VWA3B: variants seen among roughly 807,000 people sequenced by gnomAD.
VWA3B encodes the protein von Willebrand factor A domain-containing protein 3B.
VWA3B carries 138 observed loss-of-function variants against 158.3 expected under a neutral mutation model. The ratio of observed to expected loss-of-function variants is 0.87; its 90% CI spans 0.76 to 1.00. The LOEUF is 1.00. Among genes scored for constraint, VWA3B ranks in the 50% least tolerant of loss-of-function variants. The probability of loss-of-function intolerance (pLI) is 0.00; values close to 1 mark genes in which losing one functional copy is unlikely to be tolerated. For missense variants in VWA3B, 1,555 were observed against 1,565.1 expected (o/e 0.99, Z 0.11); for synonymous variants, 596 against 587.3 (o/e 1.01, Z -0.21).
intron 26 of VWA3B, among the ~76,000 whole-genome samples, chr2:98,305,546 T>A (rs567376235): frequency 2.0e-5 from 3 of 152,304 alleles, no homozygotes; most frequent in African/African-American, 7.2e-5. Flanking sequence ...ACCCCCTGGA[T>A]ATTTCCACCT....
intron 21 of VWA3B, among the ~76,000 whole-genome samples, chr2:98,268,344 G>C (rs1687982338): frequency 6.6e-6 from 1 of 152,096 alleles, no homozygotes; most frequent in Non-Finnish European, 1.5e-5. Context: ...TATCCACCAT[G>C]ATCAAGTGGG....
chr2:98,190,753 A>G (rs183553091), intron 10 of VWA3B, among the ~76,000 whole-genome samples: 1 of 152,188 alleles, frequency 6.6e-6, no homozygotes, highest in East Asian at 1.9e-4. Flanking sequence ...CTCTACACAT[A>G]ATGACTTTGA....
In VWA3B at chr2:98,115,718, A is replaced by G. The variant is rs757639344; in HGVS notation, c.263A>G (p.Tyr88Cys). Residue 88 changes from tyrosine to cysteine, a missense_variant, in exon 3 of 28, where the codon TAC (tyrosine) becomes TGC (cysteine). By Grantham distance (194) the Tyr-to-Cys change is radical. Transcript: ENST00000477737. ...RYADGLFPQL[Y>C]RAEDGRVYNL... ...GCTGATGGTCTGTTTCCACAGCTCT[A>G]CAGAGCAGAAGATGGCAGAGTATAC... The G allele has an allele frequency of 3.1e-6, 5 of 1,613,546 alleles. No homozygotes were observed. In the Admixed American group the frequency reaches 6.7e-5, roughly 22 times the overall value.
At chr2:98,224,880 T>C (rs1684790158) in intron 14 of VWA3B, among the ~76,000 whole-genome samples, 1 of 152,160 alleles carries the variant, frequency 6.6e-6, no homozygotes, top group African/African-American at 2.4e-5. Flanking sequence ...AACAAAATAT[T>C]AGTAAAATGA....
intron 8 of VWA3B, among the ~76,000 whole-genome samples, chr2:98,168,796 T>G (rs765539312): frequency 2.0e-5 from 3 of 151,634 alleles, no homozygotes; most frequent in Admixed American, 1.3e-4. Flanking sequence ...GAGACAGACA[T>G]ATGAAAAAAA....
intron 25 of VWA3B, 133 bp from the exon 26 acceptor site, chr2:98,303,569 T>G: frequency 1.3e-6 from 1 of 775,134 alleles, no homozygotes; most frequent in Admixed American, 2.7e-5. Flanking sequence ...GAATTTGAAC[T>G]ACTCTTTTAA....
At chr2:98,242,282 G>A (rs949489696) in intron 19 of VWA3B, 2 of 456,052 alleles carry the variant, frequency 4.4e-6, no homozygotes, top group African/African-American at 4.0e-5. Context: ...CCTCAAATCG[G>A]TCACCTTGGA....
chr2:98,295,323 G>A (rs1689735711), intron 23 of VWA3B, among the ~76,000 whole-genome samples: 1 of 152,184 alleles, frequency 6.6e-6, no homozygotes, highest in African/African-American at 2.4e-5. Context: ...CCAGTCTCCA[G>A]CCTGACAAAA....
At chr2:98,102,968 C>T (rs958621402) in intron 2 of VWA3B, among the ~76,000 whole-genome samples, 1 of 152,208 alleles carries the variant, frequency 6.6e-6, no homozygotes, top group Non-Finnish European at 1.5e-5. Flanking sequence ...GGAATTTCCT[C>T]AACATTCTCT....
chr2:98,330,204 T>C, the VWA3B span, among the ~76,000 whole-genome samples: 4 of 152,170 alleles, frequency 2.6e-5, no homozygotes, highest in African/African-American at 9.7e-5. Context: ...AGACATTTGC[T>C]TACACCCATT....
intron 12 of VWA3B, among the ~76,000 whole-genome samples, chr2:98,204,484 A>C (rs747753572): frequency 2.0e-5 from 3 of 152,218 alleles, no homozygotes; most frequent in Non-Finnish European, 4.4e-5. Context: ...GCATTTGCCA[A>C]ATCCTTTTCT....
chr2:98,324,479 T>A, the VWA3B span, among the ~76,000 whole-genome samples: 3 of 152,252 alleles, frequency 2.0e-5, no homozygotes, highest in Admixed American at 2.0e-4. Flanking sequence ...TTCTTAACCA[T>A]ATATGCACAG....
At chr2:98,179,810 C>CTTTCTTTCTT (rs1553404770) in intron 8 of VWA3B, among the ~76,000 whole-genome samples, 2 of 118,970 alleles carry the variant, frequency 1.7e-5, no homozygotes, top group Non-Finnish European at 3.3e-5. Flanking sequence ...TTCTTTCTTT[C>CTTTCTTTCTT]TTTCTTTCTT....
At chr2:98,230,330 AT>A in intron 16 of VWA3B, 123 bp downstream of exon 16, 2 of 1,001,500 alleles carry the variant, frequency 2.0e-6, no homozygotes, top group Non-Finnish European at 2.7e-6. Flanking sequence ...TTAAATTAAA[AT>A]TTTTATTAAA....
Position 98,214,655 on chromosome 2 carries a change from G to A in VWA3B, c.1836+2627G>A, listed in dbSNP as rs75725698. Among the ~76,000 whole-genome samples the A allele has an allele frequency of 7.3e-3, 1,105 of 152,018 alleles. 9 individuals are homozygous for A. The highest frequency in any genetic ancestry group is 0.025 in the African/African-American group (1,047 of 41,440). On this transcript the variant is annotated intron_variant, in intron 13 of 27. Transcript: ENST00000477737. Reference sequence around the variant, plus strand: ...TACACATGATTCTGCACCTTTATTCGTCAAACAGTATACCTTGGAGATGGC... The same window carrying A: ...TACACATGATTCTGCACCTTTATTCATCAAACAGTATACCTTGGAGATGGC...
chr2:98,120,109 A>C (rs1353965840), intron 4 of VWA3B, among the ~76,000 whole-genome samples: 2 of 152,208 alleles, frequency 1.3e-5, no homozygotes, highest in African/African-American at 4.8e-5. Context: ...TTGGGTAATG[A>C]ATTCAAATGT....
At chr2:98,135,634 C>T (rs1253689693) in intron 7 of VWA3B, among the ~76,000 whole-genome samples, 1 of 152,152 alleles carries the variant, frequency 6.6e-6, no homozygotes, top group Non-Finnish European at 1.5e-5. Context: ...CGCGCCCGGC[C>T]AAAAACATTT....
intron 13 of VWA3B, chr2:98,212,266 A>C (rs1057065471): frequency 1.7e-5 from 6 of 360,998 alleles, no homozygotes; most frequent in Non-Finnish European, 3.0e-5. Flanking sequence ...ACACACCCCT[A>C]GCCTGGAGAC....
At position 98,278,552 on chromosome 2, in the gene VWA3B, C is replaced by G. The variant is rs190983340; in HGVS notation, c.3045+7669C>G. On this transcript the variant is annotated intron_variant, in intron 22 of 27. Coordinates refer to ENST00000477737, the MANE Select transcript of VWA3B (RefSeq NM_144992.5). ...AAGTGACTCTCAGCAGGATGGAGAGCTAGAAAGGGGATGGAGTGGGAAGGT... is the reference window on the plus strand; with the variant it reads ...AAGTGACTCTCAGCAGGATGGAGAGGTAGAAAGGGGATGGAGTGGGAAGGT... Among the ~76,000 whole-genome samples the G allele has an allele frequency of 5.5e-4, 83 of 152,194 alleles. 2 individuals carry two copies. The East Asian group carries it at 0.013, about 24-fold the overall frequency.
Sources: allele counts gnomAD v4.1 joint callset (sites outside exome capture counted in the v4.1 genomes callset), GRCh38; gene constraint gnomAD v4.1.1; transcripts MANE v1.5; gene names NCBI Gene and HGNC (gene_info 2026-07-23, HGNC 2026-07-21).